Variants in ZSCAN20 observed in about 807,000 individuals in gnomAD.
ZSCAN20 encodes zinc finger and SCAN domain-containing protein 20.
Under a neutral mutation model 97.1 loss-of-function variants are expected in ZSCAN20, and 39 were observed. The ratio of observed to expected loss-of-function variants is 0.40; its 90% confidence interval spans 0.31 to 0.52. The LOEUF is 0.52. Among genes scored for constraint, ZSCAN20 ranks in the 20% least tolerant of loss-of-function variants. The probability of loss-of-function intolerance (pLI) is 0.49; values close to 1 mark genes in which losing one functional copy is unlikely to be tolerated. For synonymous variants in ZSCAN20, 456 were observed against 467.3 expected (o/e 0.98, Z 0.31); for missense variants, 1,115 against 1,290.4 (o/e 0.86, Z 2.08).
chr1:33,490,677 A>ACACACACACACACACAC (rs1553122648), intron 5 of ZSCAN20, among the ~76,000 whole-genome samples: 1 of 147,260 alleles, frequency 6.8e-6, no homozygotes, highest in African/African-American at 2.6e-5. Context: ...ACACACACAC[A>ACACACACACACACACAC]CACACACCAC....
chr1:33,489,327 C>T, intron 4 of ZSCAN20, 136 bp downstream of exon 4: 2 of 1,077,592 alleles, frequency 1.9e-6, no homozygotes, highest in East Asian at 2.6e-5. Context: ...TTGCCCTTCA[C>T]CCCCAGCCTG....
In ZSCAN20 at chr1:33,493,001, A is replaced by G. The variant is rs1652685617; in HGVS notation, c.1445-186A>G. On this transcript the variant is annotated intron_variant, in intron 6 of 7. Coordinates refer to ENST00000684572, the MANE Select transcript of ZSCAN20 (RefSeq NM_001377376.1). This position sits in a 1 kb window ranked among gnomAD's most constrained non-coding sequence, Gnocchi z 4.3. ...TAATAGAATCTCTTAGAAGAGGGTGAGGGTGGGAAGCTCTGGCTGGCTGTC... is the reference window on the plus strand; with the variant it reads ...TAATAGAATCTCTTAGAAGAGGGTGGGGGTGGGAAGCTCTGGCTGGCTGTC... 2.0e-5 allele frequency among the ~76,000 whole-genome samples: 3 copies of G among 152,126 alleles called. No homozygotes were observed.
chr1:33,494,744 G>C lies in ZSCAN20; in HGVS notation c.2400G>C (p.Trp800Cys), dbSNP rs1652784475. 2.5e-6 allele frequency: 4 copies of C among 1,614,040 alleles called. No individual in the cohort carries two copies. The highest frequency in any genetic ancestry group is 3.4e-6 in the Non-Finnish European group (4 of 1,180,004). Residue 800 changes from tryptophan to cysteine, a missense_variant, in exon 8 of 8, where the codon TGG (tryptophan) becomes TGC (cysteine). Physicochemically the swap from Trp to Cys is radical, Grantham distance 215. This residue lies in a region of ZSCAN20 where 554 missense variants were observed against 584.9 expected (regional missense o/e 0.95). Coordinates refer to ENST00000684572, the MANE Select transcript of ZSCAN20 (RefSeq NM_001377376.1). Reference protein sequence around the residue: ...GEKPYKCGECWKSFNQSSNLL... With the variant: ...GEKPYKCGECCKSFNQSSNLL... ...AGCCCTATAAATGTGGAGAATGTTG[G>C]AAAAGCTTCAACCAGAGCTCAAACC...
intron 2 of ZSCAN20, 140 bp downstream of exon 2, chr1:33,479,845 C>A: frequency 1.1e-6 from 1 of 929,000 alleles, no homozygotes; most frequent in Non-Finnish European, 1.5e-6. Flanking sequence ...TACTGTATAC[C>A]AGGAAGTGTT....
chr1:33,482,209 C>T (rs1652181811), intron 2 of ZSCAN20, among the ~76,000 whole-genome samples: 1 of 152,192 alleles, frequency 6.6e-6, no homozygotes, highest in African/African-American at 2.4e-5. Context: ...TGTAAAAACC[C>T]TCTGTGTTCT....
chr1:33,481,272 A>T (rs1652148196), intron 2 of ZSCAN20, among the ~76,000 whole-genome samples: 1 of 152,138 alleles, frequency 6.6e-6, no homozygotes, highest in East Asian at 1.9e-4. Flanking sequence ...AGGGCTTCAG[A>T]GTTGGGACAT....
Position 33,478,104 on chromosome 1 carries a change from T to G in ZSCAN20, c.-110-1075T>G, listed in dbSNP as rs117603676. ...TAAAGAGACGAGTTGGAGACTTGGG[T>G]AAGGCTTGTGCTTTGTCCTGAGGGA... On this transcript the variant is annotated intron_variant, in intron 1 of 7. Transcript: ENST00000684572. Among the ~76,000 whole-genome samples, 850 of 152,236 alleles carry G rather than the reference T, an allele frequency of 5.6e-3. 41 individuals are homozygous for G. In the East Asian group the frequency reaches 0.11, roughly 19 times the overall value.
chr1:33,497,698 G>C lies in ZSCAN20; in HGVS notation c.*2222G>C, dbSNP rs1022006714. Among the ~76,000 whole-genome samples the C allele has an allele frequency of 5.3e-5, 8 of 152,246 alleles. No individual in the cohort carries two copies. The highest frequency in any genetic ancestry group is 1.0e-4 in the Non-Finnish European group (7 of 67,966). On this transcript the variant is annotated 3_prime_UTR_variant, in exon 8 of 8. Coordinates refer to ENST00000684572, the MANE Select transcript of ZSCAN20 (RefSeq NM_001377376.1). ...CAGCTAAAGGCTAGGGTCTGAACTA[G>C]AGCAGTGGTGACACTGAGGAGGAGG...
intron 2 of ZSCAN20, among the ~76,000 whole-genome samples, chr1:33,485,531 C>CA: frequency 1.5e-5 from 1 of 65,654 alleles, no homozygotes; most frequent in Non-Finnish European, 3.7e-5. Flanking sequence ...TGCCTCAGCC[C>CA]CCTGTAGCTG....
rs1652857613 is a variant in ZSCAN20 at position 33,496,215 on chromosome 1, G to C, written c.*739G>C. The C allele has an allele frequency of 6.6e-6, 1 of 152,180 alleles. No individual in the cohort carries two copies. Among genetic ancestry groups the C allele is most frequent in the Non-Finnish European group, 1.5e-5 (1 of 68,030 alleles). 9.4% of individuals were successfully genotyped at this position (152,180 alleles called of 1,614,324 possible). On this transcript the variant is annotated 3_prime_UTR_variant, in exon 8 of 8. Coordinates refer to ENST00000684572, the MANE Select transcript of ZSCAN20 (RefSeq NM_001377376.1). ...AGGATTCAACAGATCTGTCTGTCTT[G>C]AGTCTATCGTGCTCTTATTGCTATA...
rs550499913 is a variant in ZSCAN20 at position 33,500,292 on chromosome 1, G to A, written c.*4816G>A. Among the ~76,000 whole-genome samples, 5 of 152,082 alleles carry A rather than the reference G, an allele frequency of 3.3e-5. No homozygotes were observed. The highest frequency in any genetic ancestry group is 1.9e-4 in the East Asian group (1 of 5,160). On this transcript the variant is annotated 3_prime_UTR_variant, in exon 8 of 8. Coordinates refer to ENST00000684572, the MANE Select transcript of ZSCAN20 (RefSeq NM_001377376.1). Reference sequence around the variant, plus strand: ...GTGGGTGACCTTTCTCCTCACCTCCGTGTGCCGCATCTCTCACCTAGTCTC... The same window carrying A: ...GTGGGTGACCTTTCTCCTCACCTCCATGTGCCGCATCTCTCACCTAGTCTC...
chr1:33,488,055 A>G (rs1370440339), intron 2 of ZSCAN20, among the ~76,000 whole-genome samples: 1 of 152,004 alleles, frequency 6.6e-6, no homozygotes, highest in African/African-American at 2.4e-5. Flanking sequence ...ATAATTTTAT[A>G]TTTTTTTCCT....
intron 2 of ZSCAN20, among the ~76,000 whole-genome samples, chr1:33,485,386 T>A (rs1652321833): frequency 6.6e-6 from 1 of 152,112 alleles, no homozygotes; most frequent in Admixed American, 6.5e-5. Context: ...TCATTTCTGA[T>A]ATTAATAATT....
rs1652998112 is a variant in ZSCAN20 at position 33,499,748 on chromosome 1, T to G, written c.*4272T>G. 6.6e-6 allele frequency among the ~76,000 whole-genome samples: 1 copy of G among 152,148 alleles called. No homozygotes were observed. Among genetic ancestry groups the G allele is most frequent in the African/African-American group, 2.4e-5 (1 of 41,422 alleles). On this transcript the variant is annotated 3_prime_UTR_variant, in exon 8 of 8. Coordinates refer to ENST00000684572, the MANE Select transcript of ZSCAN20 (RefSeq NM_001377376.1). Reference sequence around the variant, plus strand: ...AATATCTAAAGTCAAAATTAATCATTCAAAATATTCCCTTACCCCATTTTT... The same window carrying G: ...AATATCTAAAGTCAAAATTAATCATGCAAAATATTCCCTTACCCCATTTTT...
Position 33,479,705 on chromosome 1 carries a change from G to C in ZSCAN20, c.417G>C (p.Ser139=). 1 of 1,523,416 alleles carries C rather than the reference G, an allele frequency of 6.6e-7. No homozygotes were observed. The highest frequency in any genetic ancestry group is 1.3e-5 in the South Asian group (1 of 77,520). 94.4% of individuals were successfully genotyped at this position (1,523,416 alleles called of 1,614,324 possible). A position where few individuals can be genotyped will look rare whatever the true frequency, so the allele number is the denominator to read the frequency against. The change falls in exon 2 of 8, where the codon TCG becomes TCC. Residue 139 remains serine (S), a splice_region_variant and synonymous_variant. Transcript: ENST00000684572. ...WHRETRTAGQ[S]GLELHTEETR... is the part of the protein sequence containing the mutation. ...GAGAGACCAGGACTGCAGGACAGTC[G>C]GTGAGACAAACAGTCTTCTCCTGCA...
intron 2 of ZSCAN20, among the ~76,000 whole-genome samples, chr1:33,482,485 C>T (rs917270464): frequency 6.6e-6 from 1 of 152,190 alleles, no homozygotes; most frequent in Non-Finnish European, 1.5e-5. Context: ...TGAAGGACAT[C>T]TTGGTTCCAT....
intron 2 of ZSCAN20, among the ~76,000 whole-genome samples, chr1:33,481,556 C>G (rs1652156295): frequency 6.6e-6 from 1 of 152,166 alleles, no homozygotes; most frequent in South Asian, 2.1e-4. Flanking sequence ...GGACAAGTAG[C>G]AGAGGAGCTT....
chr1:33,491,689 C>T lies in ZSCAN20; in HGVS notation c.1431C>T (p.Phe477=), dbSNP rs372234933. ...GGATTGCAGGGGCCCCAGCTCTGTT[C>T]CAGAGTCGTATTGGTAAGAACATGG... The part of the protein sequence containing the change: ...GPRIAGAPAL[F]QSRIAGVHWG... The change falls in exon 6 of 8, where the codon TTC becomes TTT. Residue 477 remains phenylalanine (F), a synonymous_variant. Transcript: ENST00000684572. The surrounding 1 kb of genome is among the most constrained non-coding windows in gnomAD (Gnocchi z 4.3). The T allele has an allele frequency of 6.3e-7, 1 of 1,593,798 alleles. No homozygotes were observed. The highest frequency in any genetic ancestry group is 1.1e-5 in the South Asian group (1 of 88,030).
Position 33,495,111 on chromosome 1 carries a change from C to T in ZSCAN20, c.2767C>T (p.Arg923Cys), listed in dbSNP as rs773355618. 2.0e-5 allele frequency: 32 copies of T among 1,608,632 alleles called. No homozygotes were observed. The highest frequency in any genetic ancestry group is 7.7e-5 in the South Asian group (7 of 90,460). The change falls in exon 8 of 8, where the codon CGC (arginine) becomes TGC (cysteine). Residue 923 changes from arginine to cysteine, a missense_variant. Physicochemically the swap from Arg to Cys is radical, Grantham distance 180. Around this residue, in one of 3 missense-constraint regions of ZSCAN20, gnomAD observed 554 missense variants for 584.9 expected, o/e 0.95. Coordinates refer to ENST00000684572, the MANE Select transcript of ZSCAN20 (RefSeq NM_001377376.1). ...SKSSTLANHQ[R>C]THTGEKPYKC... Reference sequence around the variant, plus strand: ...GAGCTCCACCCTGGCCAACCACCAGCGCACCCACACTGGAGAGAAGCCGTA... The same window carrying T: ...GAGCTCCACCCTGGCCAACCACCAGTGCACCCACACTGGAGAGAAGCCGTA...
Sources: gnomAD v4.1 joint callset for allele counts (sites outside exome capture counted in the v4.1 genomes callset) on GRCh38, gnomAD v4.1.1 for gene constraint, gnomAD v4.1.1 regional missense constraint, Gnocchi (gnomAD v3.1) non-coding constraint, MANE v1.5 for transcripts, NCBI Gene and HGNC (gene_info 2026-07-23, HGNC 2026-07-21) for gene names.